DDX10: variants seen among roughly 807,000 people sequenced by gnomAD.
The protein encoded by DDX10 is probable ATP-dependent RNA helicase DDX10.
DDX10 carries 74 observed loss-of-function variants against 104.3 expected under a neutral mutation model. That is an observed-to-expected ratio of 0.71 (90% CI 0.59 to 0.86). The LOEUF is 0.86. Ranked by LOEUF, DDX10 falls within the 40% of genes least tolerant of loss-of-function variation. The probability of loss-of-function intolerance (pLI) is 0.00; values close to 1 mark genes in which losing one functional copy is unlikely to be tolerated. For missense variants in DDX10, 952 were observed against 1,040.0 expected (o/e 0.92, Z 1.16); for synonymous variants, 351 against 353.4 (o/e 0.99, Z 0.08).
At chr11:108,797,666 C>T (rs1309941251) in intron 13 of DDX10, among the ~76,000 whole-genome samples, 1 of 152,198 alleles carries the variant, frequency 6.6e-6, no homozygotes, top group East Asian at 1.9e-4. Context: ...AGAGCCATGT[C>T]TTTATCACAG....
At chr11:108,885,048 A>G (rs1863277120) in intron 16 of DDX10, among the ~76,000 whole-genome samples, 1 of 152,052 alleles carries the variant, frequency 6.6e-6, no homozygotes, top group Admixed American at 6.5e-5. Context: ...CTCCCTTTTT[A>G]TGTCCAAATT....
At chr11:108,822,478 A>T in intron 13 of DDX10, 1 of 312,504 alleles carries the variant, frequency 3.2e-6, no homozygotes. Context: ...TCCCCAGGTG[A>T]TGCCTTTGTT....
rs1220547794 is a variant in DDX10, at chr11:108,853,987, C to G, written c.2304+1778C>G. Among the ~76,000 whole-genome samples the G allele has an allele frequency of 2.6e-5, 4 of 152,190 alleles. No homozygotes were observed. In the East Asian group the frequency reaches 7.7e-4, roughly 29 times the overall value. ...GAATAGTTTAGCTACCTCCATTTCACAGCCCTTTTCTGAGTGCTCAGAGAT... is the reference window on the plus strand; with the variant it reads ...GAATAGTTTAGCTACCTCCATTTCAGAGCCCTTTTCTGAGTGCTCAGAGAT... On this transcript the variant is annotated intron_variant, in intron 16 of 17. Transcript: ENST00000322536.
intron 16 of DDX10, among the ~76,000 whole-genome samples, chr11:108,912,010 A>G (rs1863687423): frequency 6.6e-6 from 1 of 152,160 alleles, no homozygotes; most frequent in Non-Finnish European, 1.5e-5. Flanking sequence ...TTCTGTGTAT[A>G]TTCTCTTAAA....
intron 13 of DDX10, among the ~76,000 whole-genome samples, chr11:108,733,150 T>A (rs2094314345): frequency 6.6e-6 from 1 of 151,836 alleles, no homozygotes. Context: ...TTTTTAGTAC[T>A]GTAAGAACTC....
At chr11:108,903,030 C>T (rs1863538855) in intron 16 of DDX10, among the ~76,000 whole-genome samples, 1 of 152,132 alleles carries the variant, frequency 6.6e-6, no homozygotes, top group South Asian at 2.1e-4. Context: ...CAACTACAAT[C>T]CCAGCTGTAT....
At chr11:108,758,289 A>G (rs1373333029) in intron 13 of DDX10, among the ~76,000 whole-genome samples, 1 of 152,104 alleles carries the variant, frequency 6.6e-6, no homozygotes, top group Admixed American at 6.6e-5. Flanking sequence ...AATCTATACC[A>G]TCTCAGTCTA....
At position 108,760,064 on chromosome 11, in the gene DDX10, G is replaced by C. The variant is rs528626520; in HGVS notation, c.1965+36602G>C. On this transcript the variant is annotated intron_variant, in intron 13 of 17. Coordinates refer to ENST00000322536, the MANE Select transcript of DDX10 (RefSeq NM_004398.4). ...GACATAAATTGTGTTTGTTAGTGAAGGGTACTCCTATCAATTCCTTTGTTT... is the reference window on the plus strand; with the variant it reads ...GACATAAATTGTGTTTGTTAGTGAACGGTACTCCTATCAATTCCTTTGTTT... 7.3e-5 allele frequency among the ~76,000 whole-genome samples: 11 copies of C among 151,118 alleles called. No individual in the cohort carries two copies. In the South Asian group the frequency reaches 2.3e-3, roughly 31 times the overall value.
At chr11:108,685,871 G>A (rs1386683946) in intron 6 of DDX10, among the ~76,000 whole-genome samples, 1 of 152,058 alleles carries the variant, frequency 6.6e-6, no homozygotes, top group Non-Finnish European at 1.5e-5. Flanking sequence ...ACTTATAAAA[G>A]TTTAAGATTC....
intron 16 of DDX10, among the ~76,000 whole-genome samples, chr11:108,900,083 G>T (rs979016190): frequency 6.6e-6 from 1 of 151,806 alleles, no homozygotes; most frequent in African/African-American, 2.4e-5. Flanking sequence ...CTGCACTCCA[G>T]CCTGGACAGC....
intron 16 of DDX10, among the ~76,000 whole-genome samples, chr11:108,896,286 G>A (rs1183999689): frequency 6.6e-6 from 1 of 151,850 alleles, no homozygotes; most frequent in Non-Finnish European, 1.5e-5. Context: ...ATCCAACGTG[G>A]CAGATCTCTG....
chr11:108,724,284 TA>T (rs879759126), intron 13 of DDX10, among the ~76,000 whole-genome samples: 114 of 149,118 alleles, frequency 7.6e-4, no homozygotes, highest in African/African-American at 1.8e-3. Flanking sequence ...AACTAAAAAT[TA>T]AAAAAAAAAC....
intron 13 of DDX10, among the ~76,000 whole-genome samples, chr11:108,772,211 T>C (rs926892654): frequency 5.0e-4 from 76 of 152,240 alleles, no homozygotes; most frequent in African/African-American, 1.7e-3. Flanking sequence ...CTGCAAGAGA[T>C]ACACCCATGA....
chr11:108,938,901 G>GT (rs1864068841), intron 17 of DDX10, among the ~76,000 whole-genome samples: 1 of 152,168 alleles, frequency 6.6e-6, no homozygotes, highest in Non-Finnish European at 1.5e-5. Context: ...AATCCAGGCC[G>GT]TTGGAAGTTG....
intron 16 of DDX10, among the ~76,000 whole-genome samples, chr11:108,875,950 C>T (rs1052085560): frequency 6.6e-6 from 1 of 152,030 alleles, no homozygotes; most frequent in African/African-American, 2.4e-5. Context: ...TGACTAAGGT[C>T]GTTATGTACA....
intron 13 of DDX10, among the ~76,000 whole-genome samples, chr11:108,765,032 T>C (rs930021009): frequency 1.3e-5 from 2 of 152,248 alleles, no homozygotes; most frequent in African/African-American, 2.4e-5. Context: ...AACTAAGATA[T>C]TAACTTTTAT....
intron 16 of DDX10, among the ~76,000 whole-genome samples, chr11:108,877,135 C>A (rs1388774988): frequency 6.6e-6 from 1 of 152,056 alleles, no homozygotes; most frequent in Non-Finnish European, 1.5e-5. Flanking sequence ...TTGTGAAAAG[C>A]AAAAATGGAT....
At chr11:108,894,462 T>G (rs536000719) in intron 16 of DDX10, among the ~76,000 whole-genome samples, 1 of 152,052 alleles carries the variant, frequency 6.6e-6, no homozygotes, top group Non-Finnish European at 1.5e-5. Flanking sequence ...TTGCTTGTTA[T>G]GTGCTACAGA....
chr11:108,742,325 T>G (rs1055229658), intron 13 of DDX10, among the ~76,000 whole-genome samples: 2 of 151,018 alleles, frequency 1.3e-5, no homozygotes, highest in Non-Finnish European at 2.9e-5. Context: ...CCCAGCACTT[T>G]GGGAGGCCAA....
Sources: allele counts gnomAD v4.1 joint callset (sites outside exome capture counted in the v4.1 genomes callset), GRCh38; gene constraint gnomAD v4.1.1; transcripts MANE v1.5; gene names NCBI Gene and HGNC (gene_info 2026-07-23, HGNC 2026-07-21).